The following GANAB variants were observed in gnomAD, a reference collection of about 807,000 sequenced individuals.
GANAB encodes the protein neutral alpha-glucosidase AB.
Under a neutral mutation model 129.9 loss-of-function variants are expected in GANAB, and 35 were observed. That is an observed-to-expected ratio of 0.27 (90% confidence interval 0.21 to 0.36). The LOEUF is 0.36. Among genes scored for constraint, GANAB ranks in the 10% least tolerant of loss-of-function variants. GANAB has a pLI of 1.00. For missense variants in GANAB, 939 were observed against 1,221.0 expected (o/e 0.77, Z 3.44); for synonymous variants, 482 against 451.8 (o/e 1.07, Z -0.85).
chr11:62,644,135 G>C (rs1043377651), intron 1 of GANAB, among the ~76,000 whole-genome samples: 1 of 151,926 alleles, frequency 6.6e-6, no homozygotes, highest in Non-Finnish European at 1.5e-5. Context: ...GTAGAGACGG[G>C]GTTTCTCTGT....
At chr11:62,626,041 C>T (rs746547413) in intron 23 of GANAB, 24 bp downstream of exon 23, 33 of 1,574,626 alleles carry the variant, frequency 2.1e-5, no homozygotes, top group South Asian at 6.6e-5. Flanking sequence ...TTCCCCCATC[C>T]TAGGGGCCAG....
chr11:62,646,582 T>C lies in GANAB; in HGVS notation c.18A>G (p.Ala6=). 3 of 1,613,826 alleles carry C rather than the reference T, an allele frequency of 1.9e-6. No homozygotes were observed. The highest frequency in any genetic ancestry group is 8.5e-7 in the Non-Finnish European group (1 of 1,179,944). MAAVA[A]VAARRRRSWA... is the part of the protein sequence containing the mutation. ...CTCACCGCCTCCTACGCGCCGCCAC[T>C]GCCGCTACCGCCGCCATCTTGTGCA... The change falls in exon 1 of 24, where the codon GCA becomes GCG. Residue 6 remains alanine, a synonymous_variant. Transcript: ENST00000356638.
rs202009996 is a variant in GANAB at position 62,639,641 on chromosome 11, C to G, written c.129G>C (p.Glu43Asp). ...VDRSNFKTCE[E>D]SSFCKRQRSI... ...AAATATCATACTTGCAGAAAGAACT[C>G]TCTTCACAGGTCTTAAAGTTGCTTC... is the stretch of plus-strand genomic sequence containing the variant. The change falls in exon 2 of 24, where the codon GAG becomes GAC. Residue 43 changes from glutamate to aspartate, a missense_variant. Around this residue, in one of 5 missense-constraint regions of GANAB, gnomAD observed 321 missense variants for 329.1 expected, o/e 0.98. Transcript: ENST00000356638. 9 of 1,610,684 alleles carry G rather than the reference C, an allele frequency of 5.6e-6. No homozygotes were observed. Among genetic ancestry groups the G allele is most frequent in the South Asian group, 3.3e-5 (3 of 91,012 alleles).
rs1348604119 is a variant in GANAB at position 62,630,401 on chromosome 11, G to C, written c.1491C>G (p.Asp497Glu). ...GLYVKTRDGS[D>E]YEGWCWPGSA... Reference sequence around the variant, plus strand: ...TACCTGGCCAGCACCAGCCCTCATAGTCAGAGCCATCCCGGGTTTTAACAT... The same window carrying C: ...TACCTGGCCAGCACCAGCCCTCATACTCAGAGCCATCCCGGGTTTTAACAT... Residue 497 changes from aspartate to glutamate, a missense_variant, in exon 12 of 24, where the codon GAC (aspartate) becomes GAG (glutamate). Transcript: ENST00000356638. The C allele has an allele frequency of 1.9e-6, 3 of 1,614,072 alleles. No homozygotes were observed. The highest frequency in any genetic ancestry group is 1.7e-5 in the Admixed American group (1 of 60,010).
rs748781912 is a variant in GANAB at position 62,626,947 on chromosome 11, A to G, written c.2323-13T>C. 1.2e-6 allele frequency: 2 copies of G among 1,604,434 alleles called. No homozygotes were observed. The highest frequency in any genetic ancestry group is 2.2e-5 in the East Asian group (1 of 44,814). On this transcript the variant is annotated splice_polypyrimidine_tract_variant and intron_variant, in intron 19 of 23. Coordinates refer to ENST00000356638, the MANE Select transcript of GANAB (RefSeq NM_198334.3). The stretch of plus-strand genomic sequence containing the variant: ...TGTCATACCACACCTGTGAGTGACA[A>G]AAGAGGTAAGATACCGGATCACTCA...
chr11:62,628,244 T>A (rs1311601644), intron 17 of GANAB, among the ~76,000 whole-genome samples: 1 of 76,800 alleles, frequency 1.3e-5, no homozygotes, highest in Non-Finnish European at 2.4e-5. Context: ...TGAGATGGAG[T>A]CTCCCTCTGT....
At chr11:62,641,273 G>C (rs375344475) in intron 1 of GANAB, among the ~76,000 whole-genome samples, 6 of 149,966 alleles carry the variant, frequency 4.0e-5, no homozygotes, top group African/African-American at 1.2e-4. Context: ...GAACCCGGGA[G>C]GCAGAGGTTG....
rs1023507991 is a variant in GANAB, at chr11:62,629,747, T to C, written c.1738-63A>G. ...AAGCCAGCTGTCATCTGGTGCAAGT[T>C]CCCTAGGCCCTCAGTCTCTGGGCTG... On this transcript the variant is annotated intron_variant, in intron 14 of 23. Transcript: ENST00000356638. 1.9e-6 allele frequency: 3 copies of C among 1,605,966 alleles called. No homozygotes were observed. The African/African-American group carries it at 4.0e-5, about 21-fold the overall frequency.
intron 5 of GANAB, chr11:62,634,312 A>C: frequency 6.3e-7 from 1 of 1,596,474 alleles, no homozygotes; most frequent in Non-Finnish European, 8.6e-7. Flanking sequence ...GGATTTACCT[A>C]GAGAAAAGGT....
At chr11:62,643,824 G>GA (rs1445273460) in intron 1 of GANAB, among the ~76,000 whole-genome samples, 1 of 151,798 alleles carries the variant, frequency 6.6e-6, no homozygotes, top group Non-Finnish European at 1.5e-5. Context: ...TCAAAAACAA[G>GA]AAAAAAAAGT....
intron 1 of GANAB, among the ~76,000 whole-genome samples, chr11:62,644,538 C>T (rs1944394994): frequency 6.6e-6 from 1 of 151,810 alleles, no homozygotes; most frequent in Admixed American, 6.6e-5. Context: ...GGAGGACTGC[C>T]TGAACGCAAG....
In GANAB at chr11:62,626,066, T is replaced by G. The variant is rs1027872232; in HGVS notation, c.2724A>C (p.Lys908Asn). 1 of 1,608,396 alleles carries G rather than the reference T, an allele frequency of 6.2e-7. No homozygotes were observed. Among genetic ancestry groups the G allele is most frequent in the Non-Finnish European group, 8.5e-7 (1 of 1,174,736 alleles). The change falls in exon 23 of 24, where the codon AAA becomes AAC. Residue 908 changes from lysine (K) to asparagine (N), a missense_variant and splice_region_variant. By Grantham distance (94) the Lys-to-Asn change is moderately conservative. This residue lies in a region of GANAB where 230 missense variants were observed against 259.9 expected (regional missense o/e 0.89). Coordinates refer to ENST00000356638, the MANE Select transcript of GANAB (RefSeq NM_198334.3). ...GKPAAVVLQT[K>N]GSPESRLSFQ... Reference sequence around the variant, plus strand: ...CTAGGGGCCAGATTGGTCACTCACCTTTTGTCTGGAGTACCACAGCTGCTG... The same window carrying G: ...CTAGGGGCCAGATTGGTCACTCACCGTTTGTCTGGAGTACCACAGCTGCTG...
intron 1 of GANAB, 129 bp downstream of exon 1, chr11:62,646,433 C>T (rs1452910836): frequency 1.8e-6 from 2 of 1,096,254 alleles, no homozygotes; most frequent in African/African-American, 3.1e-5. Flanking sequence ...GAGGCCGCCT[C>T]CAGAGGAACA....
intron 1 of GANAB, among the ~76,000 whole-genome samples, chr11:62,644,200 T>C (rs1590828826): frequency 6.6e-6 from 1 of 152,082 alleles, no homozygotes; most frequent in Admixed American, 6.6e-5. Flanking sequence ...AGCCTCGGCC[T>C]CCCAAAGTGC....
intron 2 of GANAB, 25 bp downstream of exon 2, chr11:62,639,602 T>A: frequency 6.5e-7 from 1 of 1,546,064 alleles, no homozygotes; most frequent in Admixed American, 1.7e-5. Flanking sequence ...CTACATTCCA[T>A]CCCTCTCCCC....
At position 62,626,073 on chromosome 11, in the gene GANAB, T is replaced by C. The variant is rs2134454930; in HGVS notation, c.2717A>G (p.Gln906Arg). 5 of 1,611,538 alleles carry C rather than the reference T, an allele frequency of 3.1e-6. No homozygotes were observed. Among genetic ancestry groups the C allele is most frequent in the Non-Finnish European group, 3.4e-6 (4 of 1,177,558 alleles). Residue 906 changes from glutamine to arginine, a missense_variant, in exon 23 of 24, where the codon CAG becomes CGG. Coordinates refer to ENST00000356638, the MANE Select transcript of GANAB (RefSeq NM_198334.3). The stretch of plus-strand genomic sequence containing the variant: ...CCAGATTGGTCACTCACCTTTTGTC[T>C]GGAGTACCACAGCTGCTGGCTTTCC... ...GAGKPAAVVL[Q>R]TKGSPESRLS... is the part of the protein sequence containing the mutation.
rs762160029 is a variant in GANAB, at chr11:62,627,313, T to A, written c.2221A>T (p.Asn741Tyr). The A allele has an allele frequency of 1.3e-6, 2 of 1,585,268 alleles. No individual in the cohort carries two copies. The highest frequency in any genetic ancestry group is 1.7e-6 in the Non-Finnish European group (2 of 1,153,736). The change falls in exon 18 of 24, where the codon AAT becomes TAT. Residue 741 changes from asparagine to tyrosine, a missense_variant. Asn to Tyr is a moderately radical substitution (Grantham distance 143). Transcript: ENST00000356638. ...VQYPQDVTTF[N>Y]IDDQYLLGDA... is the part of the protein sequence containing the mutation. Reference sequence around the variant, plus strand: ...CCAAGCAAGTACTGATCATCTATATTGAAGGTAGTCACATCCTGAGGGTAC... The same window carrying A: ...CCAAGCAAGTACTGATCATCTATATAGAAGGTAGTCACATCCTGAGGGTAC...
Position 62,629,872 on chromosome 11 carries a change from G to A in GANAB, c.1679C>T (p.Ala560Val). 2 of 1,614,008 alleles carry A rather than the reference G, an allele frequency of 1.2e-6. No individual in the cohort carries two copies. Among genetic ancestry groups the A allele is most frequent in the Middle Eastern group, 1.6e-4 (1 of 6,062 alleles). ...GTGCTCCCAGCCCCCATAATGCTGG[G>A]CATCCTTGAGCATGGTGACCTCAGG... ...NGPEVTMLKD[A>V]QHYGGWEHRD... The change falls in exon 14 of 24, where the codon GCC becomes GTC. Residue 560 changes from alanine (A) to valine (V), a missense_variant. Around this residue, in one of 5 missense-constraint regions of GANAB, gnomAD observed 147 missense variants for 282.4 expected, o/e 0.52. Transcript: ENST00000356638.
chr11:62,624,953 C>CT lies in GANAB; in HGVS notation c.*861_*862insA. On this transcript the variant is annotated 3_prime_UTR_variant, in exon 24 of 24. Coordinates refer to ENST00000356638, the MANE Select transcript of GANAB (RefSeq NM_198334.3). ...CCCCATTAGTCCTCCCCCAACCCCC[C>CT]ACCCAGGGCTTCCAGCCAACCCCGA... is the stretch of plus-strand genomic sequence containing the variant. The CT allele has an allele frequency of 5.3e-6, 1 of 187,520 alleles. No individual in the cohort carries two copies. The highest frequency in any genetic ancestry group is 1.7e-4 in the East Asian group (1 of 5,770). The allele number at this position is 187,520 out of a possible 1,614,324, so 11.6% of individuals were successfully genotyped here.
Sources: allele counts gnomAD v4.1 joint callset (sites outside exome capture counted in the v4.1 genomes callset), GRCh38; gene constraint gnomAD v4.1.1; regional missense constraint gnomAD v4.1.1; transcripts MANE v1.5; gene names NCBI Gene and HGNC (gene_info 2026-07-23, HGNC 2026-07-21).